LRP2BP: variants seen among roughly 807,000 people sequenced by gnomAD.
LRP2BP encodes LRP2 binding protein.
LRP2BP carries 38 observed loss-of-function variants against 45.2 expected under a neutral mutation model. The observed-to-expected ratio is 0.84, with a 90% CI of 0.65 to 1.10. The LOEUF is 1.10. LRP2BP is among the 50% of genes least tolerant of loss of function. The pLI is 0.00. For synonymous variants in LRP2BP, 153 were observed against 153.9 expected (o/e 0.99, Z 0.04); for missense variants, 385 against 418.9 (o/e 0.92, Z 0.71).
upstream of LRP2BP, chr4:185,396,886 C>T (rs372155536): frequency 6.2e-7 from 1 of 1,611,092 alleles, no homozygotes; most frequent in African/African-American, 1.3e-5. Flanking sequence ...CACCTCTCTG[C>T]ACTTCCAAGG....
chr4:185,385,276 T>C (rs1474144752), intron 1 of LRP2BP, among the ~76,000 whole-genome samples: 2 of 152,160 alleles, frequency 1.3e-5, no homozygotes, highest in African/African-American at 2.4e-5. Flanking sequence ...CTGGAGCCGA[T>C]ACTGTTACAG....
At chr4:185,374,500 GT>G in intron 4 of LRP2BP, 39 bp from the exon 5 acceptor site, 1 of 1,599,674 alleles carries the variant, frequency 6.3e-7, no homozygotes, top group South Asian at 1.1e-5. Flanking sequence ...CTAGTTTTTA[GT>G]TTTACCCAAA....
At chr4:185,381,373 G>C in intron 1 of LRP2BP, among the ~76,000 whole-genome samples, 1 of 151,978 alleles carries the variant, frequency 6.6e-6, no homozygotes, top group East Asian at 1.9e-4. Flanking sequence ...AACATTCTTG[G>C]GCCTGCTTTT....
chr4:185,391,967 CTA>C (rs1322704606), intron 1 of LRP2BP, among the ~76,000 whole-genome samples: 1 of 152,222 alleles, frequency 6.6e-6, no homozygotes, highest in Non-Finnish European at 1.5e-5. Flanking sequence ...ATTAAGCTAA[CTA>C]TGAATTCTTA....
intron 1 of LRP2BP, among the ~76,000 whole-genome samples, chr4:185,383,032 A>G: frequency 6.6e-6 from 1 of 152,190 alleles, no homozygotes; most frequent in East Asian, 1.9e-4. Context: ...GCATGTGGAT[A>G]TCCATTTGCC....
At chr4:185,368,852 G>A (rs952884182) in intron 8 of LRP2BP, among the ~76,000 whole-genome samples, 6 of 150,174 alleles carry the variant, frequency 4.0e-5, no homozygotes, top group East Asian at 2.0e-4. Flanking sequence ...GGAGTGCAGC[G>A]GCACAGCCTC....
In LRP2BP at chr4:185,370,708, C is replaced by T. The variant is rs550146373; in HGVS notation, c.910G>A (p.Ala304Thr). Reference protein sequence around the residue: ...RGMAMASFYHARCLQLGLGIT... With the variant: ...RGMAMASFYHTRCLQLGLGIT... Reference sequence around the variant, plus strand: ...CCCAAGCCAAGCTGAAGACACCTTGCGTGGTAGAAGGATGCCATTGCCATG... The same window carrying T: ...CCCAAGCCAAGCTGAAGACACCTTGTGTGGTAGAAGGATGCCATTGCCATG... Residue 304 changes from alanine to threonine, a missense_variant, in exon 8 of 9, where the codon GCA becomes ACA. Physicochemically the swap from Ala to Thr is moderately conservative, Grantham distance 58. Coordinates refer to ENST00000505916, the MANE Select transcript of LRP2BP (RefSeq NM_001377440.1). 13 of 1,613,886 alleles carry T rather than the reference C, an allele frequency of 8.1e-6. No individual in the cohort carries two copies. The highest frequency in any genetic ancestry group is 1.7e-5 in the Admixed American group (1 of 59,986).
rs1048714773 is a variant in LRP2BP at position 185,384,654 on chromosome 4, CAG to C, written c.-21-6449_-21-6448del. 1.1e-4 allele frequency among the ~76,000 whole-genome samples: 16 copies of C among 150,448 alleles called. 2 individuals carry two copies. Among genetic ancestry groups the C allele is most frequent in the African/African-American group, 3.9e-4 (16 of 40,828 alleles). ...ATAATGTTCCTAGTGCCCAAGAAAA[CAG>C]AGATAAATAAGCCTCCCCGGCAAAC... On this transcript the variant is annotated intron_variant, in intron 1 of 8. Transcript: ENST00000505916.
intron 8 of LRP2BP, among the ~76,000 whole-genome samples, chr4:185,369,036 C>T (rs2095404316): frequency 6.6e-6 from 1 of 152,014 alleles, no homozygotes. Flanking sequence ...TCAGGTAATC[C>T]TCCCACCTCG....
chr4:185,370,810 C>T lies in LRP2BP; in HGVS notation c.808G>A (p.Ala270Thr), dbSNP rs780750023. 6 of 1,613,750 alleles carry T rather than the reference C, an allele frequency of 3.7e-6. No homozygotes were observed. The highest frequency in any genetic ancestry group is 2.2e-5 in the East Asian group (1 of 44,862). The change falls in exon 8 of 9, where the codon GCT becomes ACT. Residue 270 changes from alanine to threonine, a missense_variant. Transcript: ENST00000505916. ...ATGTCGTGAACCTCATCATAGTCAG[C>T]GATCCTGAGAGGATGTAGAGTTGTG... ...TKCVAFSKRI[A>T]DYDEVHDIPM...
In LRP2BP at chr4:185,370,572, A is replaced by G. The variant is rs190780820; in HGVS notation, c.978+68T>C. On this transcript the variant is annotated intron_variant, in intron 8 of 8. Transcript: ENST00000505916. ...AGAAAAAACACTAATCCGTAAAACT[A>G]TTCAAGTTGCAGCTAAAAGCCTGGC... 1,027 of 1,518,366 alleles carry G rather than the reference A, an allele frequency of 6.8e-4. 6 individuals carry two copies. The highest frequency in any genetic ancestry group is 8.9e-5 in the Non-Finnish European group (99 of 1,107,900). 94.1% of individuals were successfully genotyped at this position (1,518,366 alleles called of 1,614,324 possible).
upstream of LRP2BP, chr4:185,396,859 G>T (rs1468778999): frequency 6.5e-7 from 1 of 1,546,522 alleles, no homozygotes; most frequent in Middle Eastern, 1.7e-4. Context: ...TTACCTGTCG[G>T]GGTGCGGCGA....
chr4:185,390,105 C>T lies in LRP2BP; in HGVS notation c.-22+4674G>A, dbSNP rs73029548. ...TCTTTCCCCCATATTTTACAGTTGACTTAATATTCTCATCTACTTCGAAAC... is the reference window on the plus strand; with the variant it reads ...TCTTTCCCCCATATTTTACAGTTGATTTAATATTCTCATCTACTTCGAAAC... On this transcript the variant is annotated intron_variant, in intron 1 of 8. Coordinates refer to ENST00000505916, the MANE Select transcript of LRP2BP (RefSeq NM_001377440.1). 5.6e-3 allele frequency among the ~76,000 whole-genome samples: 854 copies of T among 152,316 alleles called. 10 individuals carry two copies. The highest frequency in any genetic ancestry group is 0.02 in the African/African-American group (826 of 41,574).
In LRP2BP at chr4:185,395,445, TGATA is replaced by T. The variant is rs2095499320; in HGVS notation, c.-692_-689del. 14 of 985,458 alleles carry T rather than the reference TGATA, an allele frequency of 1.4e-5. No individual in the cohort carries two copies. The highest frequency in any genetic ancestry group is 1.7e-5 in the Non-Finnish European group (14 of 829,920). The allele number at this position is 985,458 out of a possible 1,614,324, so 61.0% of individuals were successfully genotyped here. Reference sequence around the variant, plus strand: ...TTTTAAAAAGCAGTGCTTATTGAATTGATAAACAAAAGCGAAACTGGCAATATCA... The same window carrying T: ...TTTTAAAAAGCAGTGCTTATTGAATTAACAAAAGCGAAACTGGCAATATCA... On this transcript the variant is annotated 5_prime_UTR_variant, in exon 1 of 9. Coordinates refer to ENST00000505916, the MANE Select transcript of LRP2BP (RefSeq NM_001377440.1).
intron 1 of LRP2BP, among the ~76,000 whole-genome samples, chr4:185,380,020 T>A (rs2095451047): frequency 6.6e-6 from 1 of 152,184 alleles, no homozygotes; most frequent in African/African-American, 2.4e-5. Context: ...AGATGGGGTC[T>A]CCATGTTATG....
In LRP2BP at chr4:185,376,932, G is replaced by T; in HGVS notation, c.193C>A (p.Arg65=). The T allele has an allele frequency of 1.2e-6, 2 of 1,612,896 alleles. No homozygotes were observed. Among genetic ancestry groups the T allele is most frequent in the Non-Finnish European group, 1.7e-6 (2 of 1,178,974 alleles). The part of the protein sequence containing the change: ...LKGDTLAYFL[R]GQLYFEEGWY... ...ACCTCTTCAAAATATAGTTGACCTC[G>T]TAGGAAATATGCCAGAGTGTCTCCT... Residue 65 remains arginine (R), a synonymous_variant, in exon 3 of 9, where the codon CGA becomes AGA. Coordinates refer to ENST00000505916, the MANE Select transcript of LRP2BP (RefSeq NM_001377440.1).
intron 8 of LRP2BP, 77 bp downstream of exon 8, chr4:185,370,563 C>T (rs2095411379): frequency 1.2e-5 from 17 of 1,462,414 alleles, no homozygotes; most frequent in South Asian, 5.0e-5. Flanking sequence ...AACACTAATC[C>T]GTAAAACTAT....
intron 1 of LRP2BP, among the ~76,000 whole-genome samples, chr4:185,388,517 T>TCTAC (rs1049903047): frequency 1.5e-5 from 2 of 130,480 alleles, no homozygotes; most frequent in African/African-American, 6.4e-5. Flanking sequence ...AGGCTATCTA[T>TCTAC]CTACCTACCT....
At chr4:185,387,868 T>C (rs1203662583) in intron 1 of LRP2BP, among the ~76,000 whole-genome samples, 6 of 152,132 alleles carry the variant, frequency 3.9e-5, no homozygotes, top group Non-Finnish European at 7.4e-5. Context: ...GAAAGCTCTC[T>C]CCCAACTTGG....
Sources: gnomAD v4.1 joint callset for allele counts (sites outside exome capture counted in the v4.1 genomes callset) on GRCh38, gnomAD v4.1.1 for gene constraint, MANE v1.5 for transcripts, NCBI Gene and HGNC (gene_info 2026-07-23, HGNC 2026-07-21) for gene names.